The following CDH18 variants were observed in gnomAD, a reference collection of about 807,000 sequenced individuals.
CDH18 encodes the protein cadherin 18, also known as cadherin-18.
In CDH18, 31 loss-of-function variants were observed where a neutral mutation model predicts 67.9. The ratio of observed to expected loss-of-function variants is 0.46; its 90% confidence interval spans 0.34 to 0.62. The LOEUF (loss-of-function observed/expected upper bound fraction) is 0.62, where lower values mean the gene tolerates loss of function less well. CDH18 is among the 20% of genes least tolerant of loss of function. The pLI is 0.01. For missense variants in CDH18, 890 were observed against 975.5 expected (o/e 0.91, Z 1.17); for synonymous variants, 362 against 347.2 (o/e 1.04, Z -0.48).
At chr5:20,138,906 T>C (rs957470729) in intron 2 of CDH18, among the ~76,000 whole-genome samples, 10 of 152,074 alleles carry the variant, frequency 6.6e-5, no homozygotes, top group Non-Finnish European at 1.3e-4. Flanking sequence ...AATTTATAGA[T>C]TCAATGCCAT....
intron 1 of CDH18, among the ~76,000 whole-genome samples, chr5:20,374,821 A>G (rs758838912): frequency 1.3e-5 from 2 of 152,218 alleles, no homozygotes; most frequent in Non-Finnish European, 2.9e-5. Flanking sequence ...ACTGATGGCA[A>G]TGTGTTAAAC....
chr5:20,460,512 T>C (rs1751187356), intron 1 of CDH18, among the ~76,000 whole-genome samples: 3 of 152,282 alleles, frequency 2.0e-5, no homozygotes, highest in South Asian at 4.1e-4. Context: ...ATGAGCATGA[T>C]GGTGACTGGC....
chr5:20,418,214 T>C (rs1455472571), intron 1 of CDH18, among the ~76,000 whole-genome samples: 1 of 143,632 alleles, frequency 7.0e-6, no homozygotes, highest in African/African-American at 2.5e-5. Flanking sequence ...TAGCAGGGAT[T>C]ACAGGTGTCT....
At chr5:19,731,250 C>T (rs1459012116) in intron 4 of CDH18, among the ~76,000 whole-genome samples, 1 of 152,046 alleles carries the variant, frequency 6.6e-6, no homozygotes, top group Non-Finnish European at 1.5e-5. Flanking sequence ...AAGATCGAGA[C>T]CATACTGGCT....
At chr5:19,740,965 T>G (rs891881835) in intron 4 of CDH18, among the ~76,000 whole-genome samples, 73 of 152,122 alleles carry the variant, frequency 4.8e-4, no homozygotes, top group African/African-American at 1.7e-3. Flanking sequence ...AAATCTCAAA[T>G]TTGCATTGAT....
chr5:20,147,696 C>G (rs1256725549), intron 2 of CDH18, among the ~76,000 whole-genome samples: 1 of 151,996 alleles, frequency 6.6e-6, no homozygotes, highest in South Asian at 2.1e-4. Flanking sequence ...AAAGTTGAAA[C>G]CTTTTTTGGT....
At chr5:20,505,659 T>C (rs1754611510) in intron 1 of CDH18, among the ~76,000 whole-genome samples, 1 of 152,204 alleles carries the variant, frequency 6.6e-6, no homozygotes, top group African/African-American at 2.4e-5. Context: ...ATATAAAAGA[T>C]ACAATGAAGG....
intron 2 of CDH18, among the ~76,000 whole-genome samples, chr5:20,154,608 C>A (rs2126584553): frequency 6.6e-6 from 1 of 152,230 alleles, no homozygotes; most frequent in Middle Eastern, 3.4e-3. Context: ...CTACCTCTGT[C>A]TGCCTCCCTC....
At chr5:20,320,653 A>G (rs1017661861) in intron 1 of CDH18, among the ~76,000 whole-genome samples, 2 of 152,284 alleles carry the variant, frequency 1.3e-5, no homozygotes, top group Non-Finnish European at 2.9e-5. Flanking sequence ...CCATTTCTCC[A>G]GAGTCCTCCT....
intron 2 of CDH18, among the ~76,000 whole-genome samples, chr5:20,035,551 G>T (rs1303740392): frequency 6.6e-6 from 1 of 151,936 alleles, no homozygotes; most frequent in South Asian, 2.1e-4. Flanking sequence ...AGAGTGAAAA[G>T]TCCAGGGGAA....
intron 2 of CDH18, among the ~76,000 whole-genome samples, chr5:20,032,620 C>G (rs1481686934): frequency 6.6e-6 from 1 of 151,854 alleles, no homozygotes; most frequent in Non-Finnish European, 1.5e-5. Flanking sequence ...TAATCTGTAT[C>G]ATTTATAGTT....
chr5:19,941,999 A>T (rs902482927), intron 2 of CDH18, among the ~76,000 whole-genome samples: 5 of 152,140 alleles, frequency 3.3e-5, no homozygotes, highest in African/African-American at 1.2e-4. Flanking sequence ...GGAGCATTAT[A>T]TGAGCCTAGA....
chr5:20,281,257 G>T (rs946725730), intron 1 of CDH18, among the ~76,000 whole-genome samples: 1 of 152,090 alleles, frequency 6.6e-6, no homozygotes, highest in Admixed American at 6.5e-5. Context: ...ATTGCTTTTG[G>T]TGTTTTAGAC....
chr5:19,948,110 T>G (rs2150253270), intron 2 of CDH18, among the ~76,000 whole-genome samples: 1 of 152,286 alleles, frequency 6.6e-6, no homozygotes, highest in African/African-American at 2.4e-5. Flanking sequence ...ATAGCTAATG[T>G]AAAAATATGT....
At chr5:19,773,956 G>C (rs1581278263) in intron 3 of CDH18, among the ~76,000 whole-genome samples, 2 of 152,202 alleles carry the variant, frequency 1.3e-5, no homozygotes. Flanking sequence ...CCTATGAAAA[G>C]GAAAGAATGG....
intron 2 of CDH18, among the ~76,000 whole-genome samples, chr5:20,102,085 C>G (rs1231771014): frequency 6.6e-6 from 1 of 151,928 alleles, no homozygotes; most frequent in Non-Finnish European, 1.5e-5. Context: ...AAAACAAAAA[C>G]AAACAAACAA....
Position 19,571,466 on chromosome 5 carries a change from T to C in CDH18, c.1253+113A>G. The C allele has an allele frequency of 4.2e-6, 4 of 950,090 alleles. No homozygotes were observed. The East Asian group carries it at 1.1e-4, about 25-fold the overall frequency. The allele number at this position is 950,090 out of a possible 1,614,324, so 58.9% of individuals were successfully genotyped here. On this transcript the variant is annotated intron_variant, in intron 8 of 12. Coordinates refer to ENST00000382275, the MANE Select transcript of CDH18 (RefSeq NM_004934.5). ...AATTAATATTATAATTTAATTATAT[T>C]CGTAGAAAACAACGTAGAAATAAAA...
chr5:20,353,629 G>A (rs549432357), intron 1 of CDH18, among the ~76,000 whole-genome samples: 17 of 152,156 alleles, frequency 1.1e-4, no homozygotes, highest in Non-Finnish European at 2.2e-4. Context: ...AGTCAGAAGT[G>A]CTTCCTCATG....
intron 1 of CDH18, among the ~76,000 whole-genome samples, chr5:20,533,728 G>T (rs907377592): frequency 4.6e-5 from 7 of 151,850 alleles, no homozygotes; most frequent in African/African-American, 1.7e-4. Context: ...TTTTTACATT[G>T]TAAATATTGA....
Sources: gnomAD v4.1 joint callset for allele counts (sites outside exome capture counted in the v4.1 genomes callset) on GRCh38, gnomAD v4.1.1 for gene constraint, MANE v1.5 for transcripts, NCBI Gene and HGNC (gene_info 2026-07-23, HGNC 2026-07-21) for gene names.